The following SASH1 variants were observed in gnomAD, a reference collection of about 807,000 sequenced individuals.
SASH1 encodes SAM and SH3 domain-containing protein 1.
Under a neutral mutation model 125.2 loss-of-function variants are expected in SASH1, and 44 were observed. That is an observed-to-expected ratio of 0.35 (90% confidence interval 0.28 to 0.45). The LOEUF (loss-of-function observed/expected upper bound fraction) is 0.45, where lower values mean the gene tolerates loss of function less well. Ranked by LOEUF, SASH1 falls within the 20% of genes least tolerant of loss-of-function variation. The pLI is 1.00. For synonymous variants in SASH1, 639 were observed against 649.1 expected (o/e 0.98, Z 0.24); for missense variants, 1,426 against 1,614.5 (o/e 0.88, Z 2.00).
chr6:148,198,270 C>T, the SASH1 span, among the ~76,000 whole-genome samples: 83 of 152,340 alleles, frequency 5.4e-4, no homozygotes, highest in Non-Finnish European at 5.3e-4. Context: ...TTCTCCCCAG[C>T]CATGTGAAAC....
intron 2 of SASH1, among the ~76,000 whole-genome samples, chr6:148,438,583 G>A (rs1776393473): frequency 6.6e-6 from 1 of 151,930 alleles, no homozygotes; most frequent in Admixed American, 6.6e-5. Context: ...TTATAACAAG[G>A]GCCTGAGATT....
chr6:148,378,018 C>A (rs1782978586), intron 1 of SASH1, among the ~76,000 whole-genome samples: 1 of 151,584 alleles, frequency 6.6e-6, no homozygotes, highest in South Asian at 2.1e-4. Flanking sequence ...TGCCAAACTT[C>A]CTGTTCCATT....
chr6:148,301,393 G>T (rs368557802), intron 1 of SASH1, among the ~76,000 whole-genome samples: 1 of 149,520 alleles, frequency 6.7e-6, no homozygotes, highest in Non-Finnish European at 1.5e-5. Flanking sequence ...TGCTTCCCGA[G>T]TAGCTGGGAT....
At chr6:148,373,665 C>T (rs1461931293) in intron 1 of SASH1, among the ~76,000 whole-genome samples, 1 of 152,060 alleles carries the variant, frequency 6.6e-6, no homozygotes, top group Non-Finnish European at 1.5e-5. Context: ...TTTGATTTCC[C>T]AGTATAAAAT....
upstream of SASH1, among the ~76,000 whole-genome samples, chr6:148,271,199 C>T (rs185257360): frequency 6.6e-5 from 10 of 152,188 alleles, no homozygotes; most frequent in East Asian, 7.7e-4. Flanking sequence ...TGTGAGCCAC[C>T]GCGCCCAGCT....
At chr6:148,466,271 G>A (rs1025308018) in intron 4 of SASH1, among the ~76,000 whole-genome samples, 27 of 152,146 alleles carry the variant, frequency 1.8e-4, no homozygotes, top group African/African-American at 6.0e-4. Context: ...TCTTAGCTCC[G>A]ACTCTCCCTT....
intron 4 of SASH1, among the ~76,000 whole-genome samples, chr6:148,452,971 G>A (rs1043198971): frequency 1.1e-4 from 16 of 152,262 alleles, no homozygotes; most frequent in African/African-American, 2.7e-4. Flanking sequence ...GCGTCCACAC[G>A]TGTGTGTGCA....
the SASH1 span, among the ~76,000 whole-genome samples, chr6:148,215,879 A>G: frequency 6.6e-6 from 1 of 152,132 alleles, no homozygotes; most frequent in South Asian, 2.1e-4. Flanking sequence ...TATTTTTGAG[A>G]AAGAGCCTTG....
At chr6:148,387,115 TTC>T (rs1783404052) in intron 1 of SASH1, among the ~76,000 whole-genome samples, 1 of 130,834 alleles carries the variant, frequency 7.6e-6, no homozygotes, top group Non-Finnish European at 1.6e-5. Context: ...TTTCTTTCTT[TTC>T]TTTTTTTTTT....
chr6:148,275,616 C>T (rs1197993596), intron 1 of SASH1, among the ~76,000 whole-genome samples: 1 of 152,158 alleles, frequency 6.6e-6, no homozygotes, highest in Admixed American at 6.5e-5. Flanking sequence ...TCCAAGGACC[C>T]CAGTTCAAAA....
At chr6:148,226,629 G>A in the SASH1 span, among the ~76,000 whole-genome samples, 1 of 152,176 alleles carries the variant, frequency 6.6e-6, no homozygotes, top group African/African-American at 2.4e-5. Flanking sequence ...CAAGAATATA[G>A]TTTTCTCTCT....
the SASH1 span, among the ~76,000 whole-genome samples, chr6:148,233,742 C>CAAAAAAAA: frequency 0.067 from 4,011 of 60,250 alleles, 564 homozygotes; most frequent in Non-Finnish European, 0.078. Flanking sequence ...TTCCTCTCTA[C>CAAAAAAAA]AAAAAAAAAA....
chr6:148,476,404 T>A, intron 7 of SASH1, among the ~76,000 whole-genome samples: 1 of 151,704 alleles, frequency 6.6e-6, no homozygotes, highest in East Asian at 1.9e-4. Flanking sequence ...ACCAGTGACA[T>A]GCTTCACAGA....
At chr6:148,378,214 G>T (rs530616996) in intron 1 of SASH1, among the ~76,000 whole-genome samples, 8 of 152,058 alleles carry the variant, frequency 5.3e-5, no homozygotes, top group African/African-American at 1.9e-4. Context: ...ACCATGCCTG[G>T]CTAATTTTTT....
chr6:148,224,800 T>A, the SASH1 span, among the ~76,000 whole-genome samples: 53 of 152,156 alleles, frequency 3.5e-4, 1 homozygote, highest in East Asian at 0.01. Flanking sequence ...ATAGAAAAAA[T>A]TTTGCGTAAA....
At chr6:148,254,579 C>T in the SASH1 span, among the ~76,000 whole-genome samples, 1 of 152,108 alleles carries the variant, frequency 6.6e-6, no homozygotes, top group East Asian at 1.9e-4. Context: ...TATGAATGAC[C>T]AATAAGCACA....
At chr6:148,462,630 G>A (rs1026328287) in intron 4 of SASH1, among the ~76,000 whole-genome samples, 2 of 152,154 alleles carry the variant, frequency 1.3e-5, no homozygotes, top group Non-Finnish European at 2.9e-5. Flanking sequence ...CATAGACCAT[G>A]GTGAGGTTTG....
At chr6:148,193,584 G>A in the SASH1 span, among the ~76,000 whole-genome samples, 32 of 152,290 alleles carry the variant, frequency 2.1e-4, no homozygotes, top group Non-Finnish European at 3.7e-4. Context: ...CTTCACTATG[G>A]AGCATTTTAC....
At chr6:148,203,009 A>G in the SASH1 span, among the ~76,000 whole-genome samples, 1 of 152,200 alleles carries the variant, frequency 6.6e-6, no homozygotes, top group African/African-American at 2.4e-5. Flanking sequence ...TTGAAATGAC[A>G]GCAAGAAGTA....
Sources: allele counts gnomAD v4.1 joint callset (sites outside exome capture counted in the v4.1 genomes callset), GRCh38; gene constraint gnomAD v4.1.1; transcripts MANE v1.5; gene names NCBI Gene and HGNC (gene_info 2026-07-23, HGNC 2026-07-21).